Variants in CDADC1 observed in about 807,000 individuals in gnomAD.
The protein encoded by CDADC1 is cytidine and dCMP deaminase domain containing 1, also known as dCTP deaminase.
A neutral mutation model predicts 54.9 loss-of-function variants in CDADC1; 39 were observed. The ratio of observed to expected loss-of-function variants is 0.71; its 90% confidence interval spans 0.55 to 0.93. The LOEUF is 0.93. Ranked by LOEUF, CDADC1 falls within the 40% of genes least tolerant of loss-of-function variation. The pLI, the probability that CDADC1 is intolerant of heterozygous loss-of-function variation, is 0.00. For missense variants in CDADC1, 518 were observed against 618.8 expected, an observed-to-expected ratio of 0.84 and a Z score of 1.73; for synonymous variants, 186 against 204.0, an observed-to-expected ratio of 0.91 and a Z score of 0.75.
chr13:49,275,442 A>G (rs1208250689), intron 6 of CDADC1, among the ~76,000 whole-genome samples: 2 of 151,274 alleles, frequency 1.3e-5, no homozygotes, highest in Non-Finnish European at 2.9e-5. Flanking sequence ...TTAGGAGGAT[A>G]TCATCAGGCA....
chr13:49,279,816 T>C (rs1924658), intron 7 of CDADC1, among the ~76,000 whole-genome samples: 145,544 of 152,222 alleles, frequency 0.96, 69,873 homozygotes, highest in East Asian at 1. Context: ...CAGCCCCAGT[T>C]GTTAGTCCTA....
chr13:49,291,864 A>G lies in CDADC1; in HGVS notation c.*107A>G. ...AGGATGGATTTTGTGAATAATTGAA[A>G]AGATTTTTTAAGGAAGCTAATTTAT... On this transcript the variant is annotated 3_prime_UTR_variant, in exon 10 of 10. Coordinates refer to ENST00000251108, the MANE Select transcript of CDADC1 (RefSeq NM_030911.4). 1 of 1,464,072 alleles carries G rather than the reference A, an allele frequency of 6.8e-7. No homozygotes were observed. Among genetic ancestry groups the G allele is most frequent in the Non-Finnish European group, 9.0e-7 (1 of 1,106,642 alleles). 90.7% of individuals were successfully genotyped at this position (1,464,072 alleles called of 1,614,324 possible).
chr13:49,286,859 T>C (rs566421143), intron 9 of CDADC1, among the ~76,000 whole-genome samples: 28 of 152,372 alleles, frequency 1.8e-4, no homozygotes, highest in African/African-American at 6.7e-4. Flanking sequence ...TTTAGGCACA[T>C]AATTTTAGAT....
intron 6 of CDADC1, among the ~76,000 whole-genome samples, chr13:49,275,712 TATATATATATATATAGAGAGAG>T (rs1953094135): frequency 4.4e-5 from 4 of 89,988 alleles, no homozygotes; most frequent in East Asian, 7.7e-4. Flanking sequence ...TATATATATA[TATATATATATATATAGAGAGAG>T]AGAGAGAGAG....
rs1048650375 is a variant in CDADC1, at chr13:49,291,345, T to A, written c.1472-339T>A. 2.5e-3 allele frequency among the ~76,000 whole-genome samples: 67 copies of A among 26,634 alleles called. No individual in the cohort carries two copies. In the East Asian group the frequency reaches 0.03, roughly 12 times the overall value. 17.5% of individuals were successfully genotyped at this position (26,634 alleles called of 152,430 possible). The stretch of plus-strand genomic sequence containing the variant: ...ACAACACCTGTTTAAAAAAAAAAAA[T>A]TTTTTTTGTAGAGATGGGGTCTCCC... On this transcript the variant is annotated intron_variant, in intron 9 of 9. Transcript: ENST00000251108.
chr13:49,280,464 C>G, intron 7 of CDADC1, 45 bp from the exon 8 acceptor site: 1 of 1,012,490 alleles, frequency 9.9e-7, no homozygotes, highest in Non-Finnish European at 1.4e-6. Context: ...AATAACTTAC[C>G]CTTTCAGAAA....
intron 2 of CDADC1, among the ~76,000 whole-genome samples, chr13:49,249,510 G>T (rs553014005): frequency 2.6e-5 from 4 of 152,260 alleles, no homozygotes; most frequent in African/African-American, 9.6e-5. Context: ...GAGGTGGGTG[G>T]ATCACCTGAG....
chr13:49,270,776 A>G (rs1952946293), intron 5 of CDADC1, among the ~76,000 whole-genome samples: 1 of 152,268 alleles, frequency 6.6e-6, no homozygotes, highest in African/African-American at 2.4e-5. Context: ...TTAATGATAA[A>G]TAATAACAAT....
chr13:49,255,415 C>T (rs111843940), intron 2 of CDADC1, among the ~76,000 whole-genome samples: 7 of 152,250 alleles, frequency 4.6e-5, no homozygotes, highest in African/African-American at 1.2e-4. Flanking sequence ...AAATCTCTGG[C>T]GGGGCATTAT....
At chr13:49,285,734 T>C (rs944787687) in intron 8 of CDADC1, among the ~76,000 whole-genome samples, 2 of 152,214 alleles carry the variant, frequency 1.3e-5, no homozygotes, top group Non-Finnish European at 2.9e-5. Flanking sequence ...CCAGAAGTTA[T>C]ATCATTCAGG....
chr13:49,259,012 A>G lies in CDADC1; in HGVS notation c.253-334A>G, dbSNP rs568676779. Among the ~76,000 whole-genome samples, 7 of 152,346 alleles carry G rather than the reference A, an allele frequency of 4.6e-5. No individual in the cohort carries two copies. The South Asian group carries it at 1.2e-3, about 27-fold the overall frequency. On this transcript the variant is annotated intron_variant, in intron 3 of 9. Coordinates refer to ENST00000251108, the MANE Select transcript of CDADC1 (RefSeq NM_030911.4). Reference sequence around the variant, plus strand: ...ATCTAGAAGCTTAATACTAAATGGTACTACACTTAATCCTATAAGAAACAA... The same window carrying G: ...ATCTAGAAGCTTAATACTAAATGGTGCTACACTTAATCCTATAAGAAACAA...
At chr13:49,280,965 C>T (rs1029323536) in intron 8 of CDADC1, among the ~76,000 whole-genome samples, 2 of 151,770 alleles carry the variant, frequency 1.3e-5, no homozygotes, top group Admixed American at 1.3e-4. Context: ...CCCCGAGTAG[C>T]TGGGATTACA....
At chr13:49,274,390 C>T in intron 6 of CDADC1, 50 bp downstream of exon 6, 1 of 1,477,820 alleles carries the variant, frequency 6.8e-7, no homozygotes, top group South Asian at 1.1e-5. Context: ...TTTGTTTAAA[C>T]ATAGTTCAGT....
Position 49,278,443 on chromosome 13 carries a change from G to A in CDADC1, c.1144G>A (p.Asp382Asn). 1.2e-6 allele frequency: 2 copies of A among 1,604,454 alleles called. No homozygotes were observed. Among genetic ancestry groups the A allele is most frequent in the Non-Finnish European group, 1.7e-6 (2 of 1,172,880 alleles). The change falls in exon 7 of 10, where the codon GAT becomes AAT. Residue 382 changes from aspartate to asparagine, a missense_variant. Coordinates refer to ENST00000251108, the MANE Select transcript of CDADC1 (RefSeq NM_030911.4). ...TGAGTATGCTGACTTCCCACACATG[G>A]ATGACAAGCAGAAAGACAGAGAAAT... ...GSEYADFPHM[D>N]DKQKDREIRK...
At chr13:49,269,926 A>G (rs1952920726) in intron 5 of CDADC1, among the ~76,000 whole-genome samples, 1 of 152,264 alleles carries the variant, frequency 6.6e-6, no homozygotes, top group Non-Finnish European at 1.5e-5. Flanking sequence ...TTTGTACATA[A>G]AGCCCTGCTT....
chr13:49,249,094 A>G, intron 2 of CDADC1, 129 bp downstream of exon 2: 1 of 631,000 alleles, frequency 1.6e-6, no homozygotes, highest in East Asian at 2.7e-5. Flanking sequence ...ATCTTTATTG[A>G]TTAACATGAC....
In CDADC1 at chr13:49,247,961, A is replaced by G. The variant is rs921553082; in HGVS notation, c.-77A>G. On this transcript the variant is annotated 5_prime_UTR_variant, in exon 1 of 10. Transcript: ENST00000251108. The stretch of plus-strand genomic sequence containing the variant: ...GCCTTACAGTTGCTGAGAGGAGGCG[A>G]GAGGCGGGGGCGCTAGGGCCGAGAT... 1 of 1,336,608 alleles carries G rather than the reference A, an allele frequency of 7.5e-7. No individual in the cohort carries two copies. Among genetic ancestry groups the G allele is most frequent in the African/African-American group, 1.5e-5 (1 of 68,892 alleles). 82.8% of individuals were successfully genotyped at this position (1,336,608 alleles called of 1,614,324 possible). A position where few individuals can be genotyped will look rare whatever the true frequency, so the allele number is the denominator to read the frequency against.
intron 2 of CDADC1, among the ~76,000 whole-genome samples, chr13:49,252,975 T>G (rs1422935439): frequency 6.6e-6 from 1 of 152,216 alleles, no homozygotes; most frequent in African/African-American, 2.4e-5. Context: ...TAGTATATTT[T>G]TTCCAGTATT....
chr13:49,252,097 G>A (rs1952446845), intron 2 of CDADC1, among the ~76,000 whole-genome samples: 2 of 152,330 alleles, frequency 1.3e-5, no homozygotes, highest in South Asian at 4.1e-4. Flanking sequence ...AGAAAGCCAG[G>A]CAACCTGGAA....
Sources: allele counts gnomAD v4.1 joint callset (sites outside exome capture counted in the v4.1 genomes callset), GRCh38; gene constraint gnomAD v4.1.1; transcripts MANE v1.5; gene names NCBI Gene and HGNC (gene_info 2026-07-23, HGNC 2026-07-21).